The following PRKAG2 variants were observed in gnomAD, a reference collection of about 807,000 sequenced individuals.
The protein encoded by PRKAG2 is 5'-AMP-activated protein kinase subunit gamma-2.
A neutral mutation model predicts 69.6 loss-of-function variants in PRKAG2; 26 were observed. The observed-to-expected ratio is 0.37, with a 90% confidence interval of 0.27 to 0.52. PRKAG2 has a LOEUF of 0.52. Among genes scored for constraint, PRKAG2 ranks in the 20% least tolerant of loss-of-function variants. The pLI, the probability that PRKAG2 is intolerant of heterozygous loss-of-function variation, is 0.90. For missense variants in PRKAG2, 557 were observed against 740.0 expected, an observed-to-expected ratio of 0.75 and a Z score of 2.87; for synonymous variants, 293 against 285.0, an observed-to-expected ratio of 1.03 and a Z score of -0.28.
intron 1 of PRKAG2, among the ~76,000 whole-genome samples, chr7:151,873,362 C>T (rs2080265021): frequency 6.6e-6 from 1 of 152,208 alleles, no homozygotes; most frequent in South Asian, 2.1e-4. Context: ...CCTCTAGAAA[C>T]AGGTGTGGTC....
rs2079538017 is a variant in PRKAG2 at position 151,850,315 on chromosome 7, GA to G, written c.114+26191del. Among the ~76,000 whole-genome samples, 1 of 152,254 alleles carries G rather than the reference GA, an allele frequency of 6.6e-6. No individual in the cohort carries two copies. Among genetic ancestry groups the G allele is most frequent in the African/African-American group, 2.4e-5 (1 of 41,468 alleles). ...TGTTTAATGGAAAGACGCCTGTCCAGAAGGTTTCTCCTGGAAGGAGGGATCA... is the reference window on the plus strand; with the variant it reads ...TGTTTAATGGAAAGACGCCTGTCCAGAGGTTTCTCCTGGAAGGAGGGATCA... On this transcript the variant is annotated intron_variant, in intron 1 of 15. Coordinates refer to ENST00000287878, the MANE Select transcript of PRKAG2 (RefSeq NM_016203.4). This position sits in a 1 kb window ranked among gnomAD's most constrained non-coding sequence, Gnocchi z 4.1.
At chr7:151,713,941 G>A (rs1337640603) in intron 3 of PRKAG2, among the ~76,000 whole-genome samples, 1 of 152,154 alleles carries the variant, frequency 6.6e-6, no homozygotes, top group Non-Finnish European at 1.5e-5. Context: ...TATGAAAAAT[G>A]CAAATTTCCT....
intron 6 of PRKAG2, among the ~76,000 whole-genome samples, chr7:151,589,502 G>A (rs1812528162): frequency 6.6e-6 from 1 of 152,236 alleles, no homozygotes. Context: ...ATCAGACTTT[G>A]AGAACACTGC....
chr7:151,584,826 A>AT (rs1811274712), intron 6 of PRKAG2, among the ~76,000 whole-genome samples: 1 of 152,196 alleles, frequency 6.6e-6, no homozygotes, highest in Non-Finnish European at 1.5e-5. Flanking sequence ...GAGCCCAGGA[A>AT]CTGGGGGCTG....
At chr7:151,874,918 T>C (rs572439121) in intron 1 of PRKAG2, among the ~76,000 whole-genome samples, 1 of 152,254 alleles carries the variant, frequency 6.6e-6, no homozygotes, top group East Asian at 1.9e-4. Flanking sequence ...AAAAGAGTTT[T>C]CCCATGAATT....
intron 3 of PRKAG2, among the ~76,000 whole-genome samples, chr7:151,735,004 G>A (rs936779062): frequency 4.0e-5 from 6 of 151,858 alleles, no homozygotes; most frequent in Middle Eastern, 3.4e-3. Flanking sequence ...ATATGCGCAC[G>A]CCACCACGCC....
At chr7:151,625,936 C>T (rs893042150) in intron 5 of PRKAG2, among the ~76,000 whole-genome samples, 1 of 152,078 alleles carries the variant, frequency 6.6e-6, no homozygotes, top group African/African-American at 2.4e-5. Flanking sequence ...GGAGGGGAAT[C>T]GTATGGGATG....
chr7:151,623,813 A>G (rs935685605), intron 5 of PRKAG2, among the ~76,000 whole-genome samples: 3 of 149,504 alleles, frequency 2.0e-5, no homozygotes, highest in Non-Finnish European at 2.9e-5. Context: ...GGGGGGTTAC[A>G]TCGTATGTAT....
At chr7:151,808,772 T>C (rs2078256033) in intron 1 of PRKAG2, among the ~76,000 whole-genome samples, 1 of 151,912 alleles carries the variant, frequency 6.6e-6, no homozygotes, top group Admixed American at 6.5e-5. Flanking sequence ...CCACGACAGA[T>C]GGCTGCGCGG....
chr7:151,820,309 G>A (rs2078737327), intron 1 of PRKAG2, among the ~76,000 whole-genome samples: 1 of 152,256 alleles, frequency 6.6e-6, no homozygotes, highest in Non-Finnish European at 1.5e-5. Flanking sequence ...GAACTTCTCT[G>A]ACCTCGCTCC....
chr7:151,630,657 A>T (rs956026792), intron 5 of PRKAG2, among the ~76,000 whole-genome samples: 3 of 152,226 alleles, frequency 2.0e-5, no homozygotes, highest in African/African-American at 7.2e-5. Context: ...ATTTGCAAAA[A>T]TTGTAACTGT....
chr7:151,775,320 C>T (rs897059907), intron 3 of PRKAG2, among the ~76,000 whole-genome samples: 6 of 152,070 alleles, frequency 3.9e-5, no homozygotes, highest in Non-Finnish European at 4.4e-5. Context: ...AGATATCCTG[C>T]GACAAGGCAT....
chr7:151,617,802 C>T (rs949674970), intron 5 of PRKAG2, among the ~76,000 whole-genome samples: 8 of 152,256 alleles, frequency 5.3e-5, no homozygotes, highest in African/African-American at 1.9e-4. Context: ...AACCCTGACT[C>T]CTTATTCACA....
At chr7:151,607,759 T>C (rs1303516798) in intron 5 of PRKAG2, among the ~76,000 whole-genome samples, 6 of 152,180 alleles carry the variant, frequency 3.9e-5, no homozygotes, top group Non-Finnish European at 8.8e-5. Context: ...GCGTTCCTCA[T>C]GCTTCTGTTC....
intron 1 of PRKAG2, among the ~76,000 whole-genome samples, chr7:151,804,755 G>C (rs931392335): frequency 6.6e-6 from 1 of 152,184 alleles, no homozygotes; most frequent in African/African-American, 2.4e-5. Flanking sequence ...GCGGCACAGA[G>C]TCGGCACTTG....
At chr7:151,870,124 G>GAT (rs2080179764) in intron 1 of PRKAG2, among the ~76,000 whole-genome samples, 1 of 120,048 alleles carries the variant, frequency 8.3e-6, no homozygotes, top group Admixed American at 8.9e-5. Context: ...TAGATAGATA[G>GAT]ATAGATAGAT....
At chr7:151,703,364 G>T (rs1838034308) in intron 3 of PRKAG2, among the ~76,000 whole-genome samples, 1 of 152,168 alleles carries the variant, frequency 6.6e-6, no homozygotes, top group Non-Finnish European at 1.5e-5. Context: ...TGTTTCCCCT[G>T]CAGTGTCTTC....
intron 3 of PRKAG2, among the ~76,000 whole-genome samples, chr7:151,755,738 G>A (rs890673509): frequency 6.6e-6 from 1 of 152,156 alleles, no homozygotes; most frequent in African/African-American, 2.4e-5. Flanking sequence ...GCTTTTTACA[G>A]GAAACATTTG....
At chr7:151,603,785 C>T (rs1816817563) in intron 5 of PRKAG2, among the ~76,000 whole-genome samples, 1 of 152,190 alleles carries the variant, frequency 6.6e-6, no homozygotes, top group Non-Finnish European at 1.5e-5. Flanking sequence ...TTTCCCTCCT[C>T]CTTTATGTAC....
Sources: gnomAD v4.1 joint callset for allele counts (sites outside exome capture counted in the v4.1 genomes callset) on GRCh38, gnomAD v4.1.1 for gene constraint, Gnocchi (gnomAD v3.1) non-coding constraint, MANE v1.5 for transcripts, NCBI Gene and HGNC (gene_info 2026-07-23, HGNC 2026-07-21) for gene names.